The following TUBGCP5 variants were observed in gnomAD, a reference collection of about 807,000 sequenced individuals.
The protein encoded by TUBGCP5 is tubulin gamma complex component 5, also known as gamma-tubulin complex component 5.
A neutral mutation model predicts 134.7 loss-of-function variants in TUBGCP5; 98 were observed. The ratio of observed to expected loss-of-function variants is 0.73; its 90% CI spans 0.62 to 0.86. TUBGCP5 has a LOEUF of 0.86. Ranked by LOEUF, TUBGCP5 falls within the 40% of genes least tolerant of loss-of-function variation. The pLI is 0.00. For missense variants in TUBGCP5, 1,150 were observed against 1,244.8 expected (o/e 0.92, Z 1.15); for synonymous variants, 456 against 431.4 (o/e 1.06, Z -0.71).
At position 22,999,840 on chromosome 15, in the gene TUBGCP5, C is replaced by G; in HGVS notation, c.3055G>C (p.Ala1019Pro). Residue 1019 changes from alanine (A) to proline (P), a missense_variant, in exon 23 of 23, where the codon GCT (alanine) becomes CCT (proline). Ala to Pro is a conservative substitution (Grantham distance 27, BLOSUM62 -1). Around this residue, in one of 2 missense-constraint regions of TUBGCP5, gnomAD observed 697 missense variants for 850.1 expected, o/e 0.82. Coordinates refer to ENST00000615383, the MANE Select transcript of TUBGCP5 (RefSeq NM_052903.6). ...GACATTTAACTTTGTTCCATGCCAG[C>G]CATGAGTGACAACGCTAGAGATTCC... is the stretch of plus-strand genomic sequence containing the variant. ...HLESLALSLMAGMEQS is the reference protein window; with the variant it reads ...HLESLALSLMPGMEQS 1 of 1,613,820 alleles carries G rather than the reference C, an allele frequency of 6.2e-7. No homozygotes were observed. Among genetic ancestry groups the G allele is most frequent in the South Asian group, 1.1e-5 (1 of 91,072 alleles).
chr15:23,003,074 C>A lies in TUBGCP5; in HGVS notation c.2918G>T (p.Gly973Val), dbSNP rs2140413716. ...MFADGWQAGL[G>V]TWRMESIEKM... ...GAAATCACATACTTACCGCCAAGTG[C>A]CCAGGCCTGCCTGCCAACCGTCTGC... Residue 973 changes from glycine (G) to valine (V), a missense_variant, in exon 21 of 23, where the codon GGC (glycine) becomes GTC (valine). Gly to Val is a moderately radical substitution (Grantham distance 109). Coordinates refer to ENST00000615383, the MANE Select transcript of TUBGCP5 (RefSeq NM_052903.6). 2 of 1,614,052 alleles carry A rather than the reference C, an allele frequency of 1.2e-6. No homozygotes were observed. The highest frequency in any genetic ancestry group is 1.7e-6 in the Non-Finnish European group (2 of 1,179,978).
chr15:23,014,911 G>A lies in TUBGCP5; in HGVS notation c.1756+2862C>T, dbSNP rs543059324. On this transcript the variant is annotated intron_variant, in intron 13 of 22. Coordinates refer to ENST00000615383, the MANE Select transcript of TUBGCP5 (RefSeq NM_052903.6). ...CAGCCCCTTGGGCCATTGCTGGCAG[G>A]CAAATAAACCTATAGGCTGGCCAAG... Among the ~76,000 whole-genome samples the A allele has an allele frequency of 4.6e-5, 7 of 152,264 alleles. No homozygotes were observed. In the South Asian group the frequency reaches 1.4e-3, roughly 32 times the overall value.
intron 23 of TUBGCP5, among the ~76,000 whole-genome samples, chr15:22,990,785 G>C (rs2063822882): frequency 6.6e-6 from 1 of 152,162 alleles, no homozygotes; most frequent in Non-Finnish European, 1.5e-5. Flanking sequence ...TAGATTATCT[G>C]AAGGGGCCCT....
intron 20 of TUBGCP5, 145 bp downstream of exon 20, chr15:23,003,957 G>T (rs2140419492): frequency 9.3e-7 from 1 of 1,073,874 alleles, no homozygotes; most frequent in Non-Finnish European, 1.3e-6. Flanking sequence ...CCGGCCTGGG[G>T]CATTTGTTTG....
rs532160056 is a variant in TUBGCP5, at chr15:23,038,534, C to G, written c.146+864G>C. 3.4e-4 allele frequency among the ~76,000 whole-genome samples: 52 copies of G among 152,302 alleles called. 3 individuals carry two copies. In the South Asian group the frequency reaches 9.5e-3, roughly 28 times the overall value. Reference sequence around the variant, plus strand: ...GAAACTTGGCATGGTTTAAAAGAATCTGAAAGCCCCGTATTCCTATTATAA... The same window carrying G: ...GAAACTTGGCATGGTTTAAAAGAATGTGAAAGCCCCGTATTCCTATTATAA... On this transcript the variant is annotated intron_variant, in intron 1 of 22. Transcript: ENST00000615383.
chr15:23,024,077 A>G lies in TUBGCP5; in HGVS notation c.1038T>C (p.Ser346=). ...CAGTTGACTTCTTAGGAACAGACCC[A>G]CTTCCAGGCAGCATGCTCTCAGAAC... The part of the protein sequence containing the change: ...GHSSESMLPG[S]GSVPKKSTEA... The change falls in exon 10 of 23, where the codon AGT becomes AGC. Residue 346 remains serine (S), a synonymous_variant. Transcript: ENST00000615383. The G allele has an allele frequency of 1.9e-6, 3 of 1,614,166 alleles. No individual in the cohort carries two copies. The highest frequency in any genetic ancestry group is 1.3e-5 in the African/African-American group (1 of 75,056).
chr15:23,007,625 C>T (rs1411668987), intron 16 of TUBGCP5, among the ~76,000 whole-genome samples: 3 of 152,054 alleles, frequency 2.0e-5, no homozygotes, highest in Non-Finnish European at 4.4e-5. Flanking sequence ...CACAGGGGGG[C>T]GGGAGGACAG....
At chr15:23,007,252 A>G (rs2064773814) in intron 16 of TUBGCP5, among the ~76,000 whole-genome samples, 1 of 152,032 alleles carries the variant, frequency 6.6e-6, no homozygotes, top group African/African-American at 2.4e-5. Context: ...AATACAAAAA[A>G]TTAGCTGGGC....
intron 7 of TUBGCP5, 133 bp downstream of exon 7, chr15:23,027,058 CA>C (rs896261432): frequency 7.4e-3 from 4,109 of 552,988 alleles, no homozygotes; most frequent in Middle Eastern, 9.6e-3. Context: ...AATCTGTCTC[CA>C]AAAAAAAAAG....
At chr15:23,035,338 A>AAAAAAAG (rs1485818291) in intron 3 of TUBGCP5, among the ~76,000 whole-genome samples, 3 of 151,636 alleles carry the variant, frequency 2.0e-5, no homozygotes, top group African/African-American at 4.9e-5. Flanking sequence ...TTAAAAAAAA[A>AAAAAAAG]AAAGAAAAAA....
rs376773828 is a variant in TUBGCP5 at position 23,030,984 on chromosome 15, G to C, written c.523C>G (p.Gln175Glu). 1.5e-5 allele frequency: 24 copies of C among 1,612,912 alleles called. No homozygotes were observed. The African/African-American group carries it at 2.8e-4, about 19-fold the overall frequency. The change falls in exon 6 of 23, where the codon CAG (glutamine) becomes GAG (glutamate). Residue 175 changes from glutamine (Q) to glutamate (E), a missense_variant. Physicochemically the swap from Gln to Glu is conservative, Grantham distance 29. Coordinates refer to ENST00000615383, the MANE Select transcript of TUBGCP5 (RefSeq NM_052903.6). ...CCAGAGTCCTCTCTGCTTAAGGGCT[G>C]TTGATCATTTTCCTCTTCACTTTCT... Reference protein sequence around the residue: ...SEESEEENDQQPLSREDSGIQ... With the variant: ...SEESEEENDQEPLSREDSGIQ...
intron 23 of TUBGCP5, among the ~76,000 whole-genome samples, chr15:22,984,103 G>T (rs1015668057): frequency 1.3e-5 from 2 of 151,814 alleles, no homozygotes; most frequent in African/African-American, 4.8e-5. Context: ...CTGGGCGACA[G>T]AGCATGACCC....
At chr15:23,035,923 G>C (rs1263311447) in intron 3 of TUBGCP5, among the ~76,000 whole-genome samples, 3 of 152,186 alleles carry the variant, frequency 2.0e-5, no homozygotes, top group Non-Finnish European at 4.4e-5. Flanking sequence ...TGTAAAATGT[G>C]CCTTTTAAAG....
Position 23,008,706 on chromosome 15 carries a change from T to A in TUBGCP5, c.2320A>T (p.Ser774Cys). The change falls in exon 16 of 23, where the codon AGT (serine) becomes TGT (cysteine). Residue 774 changes from serine (S) to cysteine (C), a missense_variant. Coordinates refer to ENST00000615383, the MANE Select transcript of TUBGCP5 (RefSeq NM_052903.6). The stretch of plus-strand genomic sequence containing the variant: ...GTGGCGTCCATATTTTACCGTGAAC[T>A]ATCTTCAGGATAACGCTGTCCTACT... The part of the protein sequence containing the change: ...EAVGQRYPED[S>C]SRLSISFENV... 1 of 1,606,768 alleles carries A rather than the reference T, an allele frequency of 6.2e-7. No individual in the cohort carries two copies. Among genetic ancestry groups the A allele is most frequent in the South Asian group, 1.1e-5 (1 of 89,110 alleles).
At position 22,999,758 on chromosome 15, in the gene TUBGCP5, C is replaced by A. The variant is rs770575718; in HGVS notation, c.*62G>T. On this transcript the variant is annotated 3_prime_UTR_variant, in exon 23 of 23. Coordinates refer to ENST00000615383, the MANE Select transcript of TUBGCP5 (RefSeq NM_052903.6). ...TAAAAATATTTTCACTTTTCAGCTG[C>A]ACATGGTGGAAATGTACATGTATGA... The A allele has an allele frequency of 3.9e-6, 6 of 1,527,536 alleles. No individual in the cohort carries two copies. In the Admixed American group the frequency reaches 6.8e-5, roughly 17 times the overall value. The allele number at this position is 1,527,536 out of a possible 1,614,324, so 94.6% of individuals were successfully genotyped here.
Position 23,006,352 on chromosome 15 carries a change from A to G in TUBGCP5, c.2328T>C (p.Arg776=). 6.3e-7 allele frequency: 1 copy of G among 1,591,480 alleles called. No homozygotes were observed. The highest frequency in any genetic ancestry group is 8.5e-7 in the Non-Finnish European group (1 of 1,173,802). ...CAACATTTTCAAAAGATATAGATAG[A>G]CTAAAGAAAGAAATTCCAGTTTTAG... The part of the protein sequence containing the change: ...VGQRYPEDSS[R]LSISFENVDT... The change falls in exon 17 of 23, where the codon CGT becomes CGC. Residue 776 remains arginine (R), a splice_region_variant and synonymous_variant. Transcript: ENST00000615383.
intron 20 of TUBGCP5, among the ~76,000 whole-genome samples, chr15:23,003,679 T>C (rs2064534295): frequency 7.0e-6 from 1 of 143,674 alleles, no homozygotes; most frequent in African/African-American, 2.6e-5. Flanking sequence ...AAGGTCTTGC[T>C]CTGTTACCCA....
chr15:23,019,904 G>A (rs1395668013), intron 11 of TUBGCP5, among the ~76,000 whole-genome samples: 1 of 152,198 alleles, frequency 6.6e-6, no homozygotes, highest in Non-Finnish European at 1.5e-5. Context: ...CACAGAGGCA[G>A]CAGGTGTATC....
chr15:22,983,094 T>A (rs4778476), downstream of TUBGCP5: 59,142 of 151,712 alleles, frequency 0.39, 12,086 homozygotes, highest in African/African-American at 0.51. Context: ...AGATACAAAA[T>A]TTTTTTTAAG....
Sources: gnomAD v4.1 joint callset for allele counts (sites outside exome capture counted in the v4.1 genomes callset) on GRCh38, gnomAD v4.1.1 for gene constraint, gnomAD v4.1.1 regional missense constraint, MANE v1.5 for transcripts, NCBI Gene and HGNC (gene_info 2026-07-23, HGNC 2026-07-21) for gene names.